ANTXR1: variants seen among roughly 807,000 people sequenced by gnomAD.
ANTXR1 encodes ANTXR cell adhesion molecule 1.
ANTXR1 carries 19 observed loss-of-function variants against 78.1 expected under a neutral mutation model. The observed-to-expected ratio is 0.24, with a 90% CI of 0.17 to 0.36. ANTXR1 has a LOEUF of 0.36. Among genes scored for constraint, ANTXR1 ranks in the 10% least tolerant of loss-of-function variants. The pLI, the probability that ANTXR1 is intolerant of heterozygous loss-of-function variation, is 1.00. For synonymous variants in ANTXR1, 273 were observed against 260.5 expected (o/e 1.05, Z -0.46); for missense variants, 518 against 718.6 (o/e 0.72, Z 3.19).
chr2:69,076,966 A>T (rs1005129571), intron 7 of ANTXR1, among the ~76,000 whole-genome samples: 1 of 152,222 alleles, frequency 6.6e-6, no homozygotes, highest in Admixed American at 6.5e-5. Flanking sequence ...TGAAAGGTGA[A>T]GGTGGCCTCA....
chr2:69,124,530 C>G, intron 11 of ANTXR1, 35 bp from the exon 12 acceptor site: 1 of 1,600,518 alleles, frequency 6.2e-7, no homozygotes, highest in East Asian at 2.2e-5. Flanking sequence ...ATTGCACGCC[C>G]TGCTGAGAGT....
intron 13 of ANTXR1, 68 bp downstream of exon 13, chr2:69,152,332 G>T: frequency 6.7e-7 from 1 of 1,502,288 alleles, no homozygotes; most frequent in Non-Finnish European, 9.3e-7. Flanking sequence ...CATGAGTAGA[G>T]AGAAAGGGAT....
chr2:69,152,088 A>T (rs770125774), intron 12 of ANTXR1, 81 bp from the exon 13 acceptor site: 234 of 1,348,536 alleles, frequency 1.7e-4, no homozygotes, highest in Admixed American at 1.1e-3. Context: ...TTAAATCTGC[A>T]TATCAGTGAT....
At position 69,193,442 on chromosome 2, in the gene ANTXR1, G is replaced by GTCTCTC. The variant is rs10627389; in HGVS notation, c.1434+40_1434+45dup. ...TAGGACTCGTTAATTCATTAATGGT[G>GTCTCTC]TCTCTCTCTCTCTCTCTCACATACA... On this transcript the variant is annotated intron_variant, in intron 17 of 17. Coordinates refer to ENST00000303714, the MANE Select transcript of ANTXR1 (RefSeq NM_032208.3). 5,782 of 1,226,850 alleles carry GTCTCTC rather than the reference G, an allele frequency of 4.7e-3. 58 individuals are homozygous for GTCTCTC. Among genetic ancestry groups the GTCTCTC allele is most frequent in the South Asian group, 0.046 (3,412 of 74,084 alleles). 76.0% of individuals were successfully genotyped at this position (1,226,850 alleles called of 1,614,324 possible).
At chr2:69,043,228 AG>A (rs2104084349) in intron 2 of ANTXR1, among the ~76,000 whole-genome samples, 1 of 152,316 alleles carries the variant, frequency 6.6e-6, no homozygotes, top group Non-Finnish European at 1.5e-5. Flanking sequence ...TGTAACCTCA[AG>A]GAAATTGTTT....
At chr2:69,185,267 G>A (rs1447171748) in intron 16 of ANTXR1, among the ~76,000 whole-genome samples, 2 of 152,212 alleles carry the variant, frequency 1.3e-5, no homozygotes, top group Non-Finnish European at 2.9e-5. Context: ...CCAGCTGGGC[G>A]CAGTGGCTCA....
chr2:69,065,814 T>C (rs972438491), intron 3 of ANTXR1, among the ~76,000 whole-genome samples: 6 of 152,254 alleles, frequency 3.9e-5, no homozygotes, highest in African/African-American at 1.4e-4. Context: ...TTAATTAATC[T>C]GTGTTCTTCT....
chr2:69,136,051 A>G (rs1261904555), intron 12 of ANTXR1, among the ~76,000 whole-genome samples: 1 of 152,186 alleles, frequency 6.6e-6, no homozygotes, highest in Non-Finnish European at 1.5e-5. Flanking sequence ...GATATGTTTC[A>G]GATCATAATA....
intron 17 of ANTXR1, among the ~76,000 whole-genome samples, chr2:69,197,231 A>C (rs1177574171): frequency 6.6e-6 from 1 of 152,226 alleles, no homozygotes; most frequent in African/African-American, 2.4e-5. Context: ...ATCTGATTCT[A>C]AGATTGTTAA....
At chr2:69,139,938 C>A (rs1673024789) in intron 12 of ANTXR1, among the ~76,000 whole-genome samples, 1 of 152,160 alleles carries the variant, frequency 6.6e-6, no homozygotes, top group African/African-American at 2.4e-5. Context: ...TCTCTGTAAT[C>A]CTATTTCAAC....
At chr2:69,243,665 A>ACACCT (rs982906543) in intron 17 of ANTXR1, among the ~76,000 whole-genome samples, 155 of 152,180 alleles carry the variant, frequency 1.0e-3, no homozygotes, top group African/African-American at 3.7e-3. Flanking sequence ...CCCAAATTCC[A>ACACCT]CACCTCACCC....
intron 1 of ANTXR1, among the ~76,000 whole-genome samples, chr2:69,029,410 T>A (rs6546470): frequency 0.24 from 36,458 of 150,860 alleles, 9,930 homozygotes; most frequent in African/African-American, 0.66. Context: ...GAAGATAATT[T>A]TCCTGAGCTG....
intron 1 of ANTXR1, among the ~76,000 whole-genome samples, chr2:69,033,870 CT>C (rs1332265900): frequency 2.0e-5 from 3 of 152,182 alleles, no homozygotes; most frequent in Admixed American, 1.3e-4. Context: ...CAACTTGATT[CT>C]TTCTGACTCT....
intron 1 of ANTXR1, among the ~76,000 whole-genome samples, chr2:69,023,980 G>A (rs1671271862): frequency 6.6e-6 from 1 of 152,222 alleles, no homozygotes. Flanking sequence ...ATCAGGAATA[G>A]GTTATGAGAT....
At chr2:69,165,298 G>A (rs1471700176) in intron 13 of ANTXR1, among the ~76,000 whole-genome samples, 1 of 152,240 alleles carries the variant, frequency 6.6e-6, no homozygotes, top group Non-Finnish European at 1.5e-5. Flanking sequence ...CTCCTTTGCA[G>A]CAAGAGACCA....
chr2:69,095,449 G>A (rs1671368537), intron 9 of ANTXR1, among the ~76,000 whole-genome samples: 1 of 152,258 alleles, frequency 6.6e-6, no homozygotes, highest in African/African-American at 2.4e-5. Context: ...TTACAGAGTA[G>A]TGAGAGCACT....
In ANTXR1 at chr2:69,127,679, G is replaced by A. The variant is rs78776658; in HGVS notation, c.951+3036G>A. The stretch of plus-strand genomic sequence containing the variant: ...GGTTGAATCAGGGGAGGGCAATGGA[G>A]GTGGAGAGAAGTTGTCAGAGTTGGA... On this transcript the variant is annotated intron_variant, in intron 12 of 17. Coordinates refer to ENST00000303714, the MANE Select transcript of ANTXR1 (RefSeq NM_032208.3). 8.8e-3 allele frequency among the ~76,000 whole-genome samples: 1,342 copies of A among 152,284 alleles called. 20 individuals are homozygous for A. Among genetic ancestry groups the A allele is most frequent in the African/African-American group, 0.031 (1,275 of 41,540 alleles).
chr2:69,207,747 T>C (rs966193304), intron 17 of ANTXR1, among the ~76,000 whole-genome samples: 2 of 152,168 alleles, frequency 1.3e-5, no homozygotes, highest in Non-Finnish European at 2.9e-5. Flanking sequence ...CCCTGTGTTA[T>C]AGCTTGTACC....
At chr2:69,106,616 C>G (rs755405891) in intron 10 of ANTXR1, among the ~76,000 whole-genome samples, 2 of 152,162 alleles carry the variant, frequency 1.3e-5, no homozygotes, top group Non-Finnish European at 2.9e-5. Context: ...GGATGAAAAT[C>G]CACAGGTGTA....
Sources: allele counts gnomAD v4.1 joint callset (sites outside exome capture counted in the v4.1 genomes callset), GRCh38; gene constraint gnomAD v4.1.1; transcripts MANE v1.5; gene names NCBI Gene and HGNC (gene_info 2026-07-23, HGNC 2026-07-21).